The following DLG2 variants were observed in gnomAD, a reference collection of about 807,000 sequenced individuals.
DLG2 encodes discs large MAGUK scaffold protein 2.
DLG2 carries 45 observed loss-of-function variants against 132.5 expected under a neutral mutation model. The observed-to-expected ratio is 0.34, with a 90% CI of 0.27 to 0.44. The LOEUF (loss-of-function observed/expected upper bound fraction) is 0.44, where lower values mean the gene tolerates loss of function less well. DLG2 is among the 20% of genes least tolerant of loss of function. DLG2 has a pLI of 1.00. For synonymous variants in DLG2, 424 were observed against 419.6 expected (o/e 1.01, Z -0.13); for missense variants, 1,045 against 1,196.9 (o/e 0.87, Z 1.87).
At chr11:84,798,320 G>A (rs1014009599) in intron 6 of DLG2, among the ~76,000 whole-genome samples, 1 of 149,464 alleles carries the variant, frequency 6.7e-6, no homozygotes, top group Non-Finnish European at 1.5e-5. Flanking sequence ...AGGGACTGAA[G>A]TAAAAAAAAC....
intron 6 of DLG2, among the ~76,000 whole-genome samples, chr11:85,065,075 G>C (rs1336951110): frequency 6.6e-6 from 1 of 151,572 alleles, no homozygotes; most frequent in Non-Finnish European, 1.5e-5. Context: ...AAGTCTCCTG[G>C]TCTCTGGGCA....
At chr11:85,253,514 G>A (rs2076505602) in intron 4 of DLG2, among the ~76,000 whole-genome samples, 1 of 152,116 alleles carries the variant, frequency 6.6e-6, no homozygotes, top group Non-Finnish European at 1.5e-5. Context: ...GAGTGCTTTT[G>A]GGCACCGACA....
intron 4 of DLG2, among the ~76,000 whole-genome samples, chr11:85,164,204 A>G (rs1285103368): frequency 6.6e-6 from 1 of 152,050 alleles, no homozygotes; most frequent in Non-Finnish European, 1.5e-5. Flanking sequence ...CTCCTATATA[A>G]ATATAAATTT....
intron 6 of DLG2, among the ~76,000 whole-genome samples, chr11:84,609,676 A>G (rs1203877981): frequency 6.6e-6 from 1 of 152,128 alleles, no homozygotes; most frequent in Non-Finnish European, 1.5e-5. Flanking sequence ...ATTACTGATA[A>G]TTTGGTAATC....
At chr11:84,790,900 G>A (rs2073743185) in intron 6 of DLG2, among the ~76,000 whole-genome samples, 1 of 152,160 alleles carries the variant, frequency 6.6e-6, no homozygotes, top group Non-Finnish European at 1.5e-5. Flanking sequence ...CACTGTAGGT[G>A]TATGGATTTA....
chr11:83,749,819 TA>T (rs2093183588), intron 18 of DLG2, among the ~76,000 whole-genome samples: 1 of 152,188 alleles, frequency 6.6e-6, no homozygotes, highest in Non-Finnish European at 1.5e-5. Flanking sequence ...GGTATGTTTG[TA>T]AACACTGAAG....
At chr11:84,257,838 C>T (rs2097499235) in intron 7 of DLG2, among the ~76,000 whole-genome samples, 1 of 151,904 alleles carries the variant, frequency 6.6e-6, no homozygotes, top group African/African-American at 2.4e-5. Context: ...AGGCATGTAC[C>T]ACCATGCCTG....
chr11:85,381,316 A>G (rs1270481995), intron 3 of DLG2, among the ~76,000 whole-genome samples: 2 of 152,180 alleles, frequency 1.3e-5, no homozygotes, highest in African/African-American at 4.8e-5. Flanking sequence ...GTAGGTTCAA[A>G]TGCATCAGTC....
chr11:83,591,212 C>T (rs1025862120), intron 19 of DLG2, among the ~76,000 whole-genome samples: 4 of 141,978 alleles, frequency 2.8e-5, no homozygotes, highest in Non-Finnish European at 3.1e-5. Flanking sequence ...AGACCAATAT[C>T]CTTGATGAAC....
intron 6 of DLG2, among the ~76,000 whole-genome samples, chr11:84,787,394 C>T (rs2073091891): frequency 6.6e-6 from 1 of 152,166 alleles, no homozygotes; most frequent in Non-Finnish European, 1.5e-5. Flanking sequence ...TTTGCAAATG[C>T]TGTTCCCTAT....
chr11:84,561,402 A>C (rs554687201), intron 6 of DLG2, among the ~76,000 whole-genome samples: 4 of 152,000 alleles, frequency 2.6e-5, no homozygotes, highest in Non-Finnish European at 5.9e-5. Context: ...GACTCATATT[A>C]AATGTTACCT....
intron 6 of DLG2, among the ~76,000 whole-genome samples, chr11:84,897,923 A>G (rs1197001267): frequency 6.6e-6 from 1 of 151,828 alleles, no homozygotes; most frequent in Admixed American, 6.6e-5. Context: ...ATTGTTGGAA[A>G]AATACATAAG....
intron 14 of DLG2, among the ~76,000 whole-genome samples, chr11:83,961,225 C>G (rs571971526): frequency 6.6e-6 from 1 of 152,068 alleles, no homozygotes; most frequent in Admixed American, 6.6e-5. Context: ...GGTGAGAAAA[C>G]TGAAGCTTGC....
At chr11:84,642,036 G>A (rs1453996727) in intron 6 of DLG2, among the ~76,000 whole-genome samples, 1 of 105,552 alleles carries the variant, frequency 9.5e-6, no homozygotes, top group Non-Finnish European at 2.0e-5. Flanking sequence ...ACACACACAT[G>A]CATACGTATA....
chr11:84,514,221 A>C (rs2099265672), intron 7 of DLG2, among the ~76,000 whole-genome samples: 1 of 151,918 alleles, frequency 6.6e-6, no homozygotes, highest in Non-Finnish European at 1.5e-5. Flanking sequence ...GGAGAAAAGG[A>C]AACTGTTGTA....
At chr11:84,918,699 G>A (rs377734118) in intron 6 of DLG2, among the ~76,000 whole-genome samples, 3 of 152,140 alleles carry the variant, frequency 2.0e-5, no homozygotes, top group Admixed American at 6.5e-5. Flanking sequence ...AAGAGTATGT[G>A]ACTTAGTGTA....
At chr11:85,409,122 G>C (rs952140049) in intron 3 of DLG2, among the ~76,000 whole-genome samples, 27 of 150,254 alleles carry the variant, frequency 1.8e-4, no homozygotes, top group African/African-American at 6.6e-4. Flanking sequence ...TAGATGTCAT[G>C]ATTCCATTAC....
At chr11:83,471,945 G>A (rs929820586) in intron 23 of DLG2, among the ~76,000 whole-genome samples, 17 of 151,864 alleles carry the variant, frequency 1.1e-4, no homozygotes, top group Admixed American at 4.6e-4. Flanking sequence ...GCAGGGAAAG[G>A]CAATTGCAGT....
rs551518679 is a variant in DLG2, at chr11:85,518,490, G to A, written c.40+80167C>T. On this transcript the variant is annotated intron_variant, in intron 3 of 27. Transcript: ENST00000376104. Reference sequence around the variant, plus strand: ...GAATGATTTAGGATATCTGGCAGAAGAAACATCTAAGCAGCAAAGCATTCA... The same window carrying A: ...GAATGATTTAGGATATCTGGCAGAAAAAACATCTAAGCAGCAAAGCATTCA... 2.2e-4 allele frequency among the ~76,000 whole-genome samples: 33 copies of A among 152,290 alleles called. 1 individual carries two copies. Among genetic ancestry groups the A allele is most frequent in the African/African-American group, 7.5e-4 (31 of 41,576 alleles).
Sources: allele counts gnomAD v4.1 joint callset (sites outside exome capture counted in the v4.1 genomes callset), GRCh38; gene constraint gnomAD v4.1.1; transcripts MANE v1.5; gene names NCBI Gene and HGNC (gene_info 2026-07-23, HGNC 2026-07-21).